The following BPIFB1 variants were observed in gnomAD, a reference collection of about 807,000 sequenced individuals.
BPIFB1 encodes the protein BPI fold-containing family B member 1.
BPIFB1 carries 34 observed loss-of-function variants against 55.1 expected under a neutral mutation model. That is an observed-to-expected ratio of 0.62 (90% CI 0.47 to 0.82). The LOEUF (loss-of-function observed/expected upper bound fraction) is 0.82. Ranked by LOEUF, BPIFB1 falls within the 40% of genes least tolerant of loss-of-function variation. The pLI, the probability that BPIFB1 is intolerant of heterozygous loss-of-function variation, is 0.00. For missense variants in BPIFB1, 532 were observed against 593.1 expected (o/e 0.90, Z 1.07); for synonymous variants, 236 against 245.3 (o/e 0.96, Z 0.35).
At chr20:33,298,794 CTT>C (rs11421243) in intron 7 of BPIFB1, 41 of 146,424 alleles carry the variant, frequency 2.8e-4, no homozygotes, top group South Asian at 8.3e-4. Context: ...TTCCTTTTTT[CTT>C]TTTTTTTTTT....
intron 5 of BPIFB1, among the ~76,000 whole-genome samples, chr20:33,291,332 C>T (rs751470233): frequency 6.6e-6 from 1 of 152,150 alleles, no homozygotes; most frequent in Admixed American, 6.5e-5. Flanking sequence ...GGCATGACAC[C>T]GGGAGGTGGG....
chr20:33,302,856 A>C, intron 10 of BPIFB1, 60 bp from the exon 11 acceptor site: 4 of 1,591,372 alleles, frequency 2.5e-6, no homozygotes, highest in Non-Finnish European at 3.4e-6. Context: ...GGCCACACAC[A>C]GAGCCTGTGG....
At chr20:33,305,899 A>T (rs1981009020) in intron 13 of BPIFB1, 103 bp from the exon 14 acceptor site, 2 of 1,298,278 alleles carry the variant, frequency 1.5e-6, no homozygotes, top group South Asian at 1.2e-5. Context: ...CTACATCTCC[A>T]CCAGCCACCT....
At chr20:33,290,593 T>C (rs571161987) in intron 4 of BPIFB1, among the ~76,000 whole-genome samples, 4 of 152,254 alleles carry the variant, frequency 2.6e-5, no homozygotes, top group Non-Finnish European at 5.9e-5. Flanking sequence ...CTCCAAGAGT[T>C]CTGCCTGCAC....
Position 33,309,589 on chromosome 20 carries a change from G to A in BPIFB1, c.1396-119G>A. ...ACCCTTCTAAGAATTCTGTATTTGT[G>A]GGTTCAGGGTCATGGTCCCCCGGTG... On this transcript the variant is annotated intron_variant, in intron 15 of 15. Coordinates refer to ENST00000253354, the MANE Select transcript of BPIFB1 (RefSeq NM_033197.3). This position sits in a 1 kb window ranked among gnomAD's most constrained non-coding sequence, Gnocchi z 4.4. 1.1e-6 allele frequency: 1 copy of A among 878,924 alleles called. No individual in the cohort carries two copies. Among genetic ancestry groups the A allele is most frequent in the South Asian group, 1.5e-5 (1 of 68,130 alleles). The allele number at this position is 878,924 out of a possible 1,614,324, so 54.4% of individuals were successfully genotyped here. A position where few individuals can be genotyped will look rare whatever the true frequency, so the allele number is the denominator to read the frequency against.
chr20:33,307,025 G>A, intron 15 of BPIFB1, 38 bp downstream of exon 15: 1 of 1,584,112 alleles, frequency 6.3e-7, no homozygotes, highest in Non-Finnish European at 8.7e-7. Flanking sequence ...GCCCCAGGGA[G>A]GGCACAGCCA....
At chr20:33,298,951 C>A in intron 7 of BPIFB1, 3 of 370,838 alleles carry the variant, frequency 8.1e-6, no homozygotes, top group Non-Finnish European at 1.4e-5. Context: ...TAGCCATTTT[C>A]GGGGACCTTA....
Position 33,304,035 on chromosome 20 carries a change from C to A in BPIFB1, c.1208+10C>A. 1 of 1,609,120 alleles carries A rather than the reference C, an allele frequency of 6.2e-7. No individual in the cohort carries two copies. Among genetic ancestry groups the A allele is most frequent in the Admixed American group, 1.7e-5 (1 of 59,034 alleles). On this transcript the variant is annotated intron_variant, in intron 12 of 15. Coordinates refer to ENST00000253354, the MANE Select transcript of BPIFB1 (RefSeq NM_033197.3). ...ACTTGAATAACATCAGGTAAACACACAAATCATCATGAAGATTCTGCTGAT... is the reference window on the plus strand; with the variant it reads ...ACTTGAATAACATCAGGTAAACACAAAAATCATCATGAAGATTCTGCTGAT...
intron 3 of BPIFB1, among the ~76,000 whole-genome samples, chr20:33,289,375 C>A (rs1980374356): frequency 7.8e-6 from 1 of 128,182 alleles, no homozygotes. Context: ...GAGTGAGATT[C>A]TGTCTCAAAA....
At chr20:33,298,501 G>A (rs1426709461) in intron 7 of BPIFB1, among the ~76,000 whole-genome samples, 1 of 152,238 alleles carries the variant, frequency 6.6e-6, no homozygotes, top group African/African-American at 2.4e-5. Flanking sequence ...AGAGCAGCAT[G>A]CACTGAGCGC....
At chr20:33,300,028 C>T (rs1267420631) in intron 8 of BPIFB1, 44 bp downstream of exon 8, 1 of 1,547,800 alleles carries the variant, frequency 6.5e-7, no homozygotes, top group Admixed American at 1.7e-5. Context: ...GACATTGCTG[C>T]CCTTCTCTGA....
chr20:33,304,820 G>A lies in BPIFB1; in HGVS notation c.1209-26G>A, dbSNP rs149844462. ...GTGAATGAGTGGGACTTCAGGGGCC[G>A]CTCTCACAGGCATCTTCCATTGCAG... On this transcript the variant is annotated intron_variant, in intron 12 of 15. Coordinates refer to ENST00000253354, the MANE Select transcript of BPIFB1 (RefSeq NM_033197.3). 651 of 1,613,992 alleles carry A rather than the reference G, an allele frequency of 4.0e-4. 3 individuals carry two copies. The African/African-American group carries it at 6.1e-3, about 15-fold the overall frequency.
intron 5 of BPIFB1, 73 bp from the exon 6 acceptor site, chr20:33,291,834 C>G (rs1305172822): frequency 1.4e-6 from 2 of 1,397,008 alleles, no homozygotes; most frequent in East Asian, 2.3e-5. Flanking sequence ...TCAGCCTCCC[C>G]CTCTGTAAAA....
intron 4 of BPIFB1, 124 bp from the exon 5 acceptor site, chr20:33,290,833 T>C (rs1980441952): frequency 1.9e-6 from 2 of 1,066,900 alleles, no homozygotes; most frequent in African/African-American, 1.6e-5. Flanking sequence ...TGGGTGAAGA[T>C]GAGGAGAAAC....
intron 13 of BPIFB1, 149 bp from the exon 14 acceptor site, chr20:33,305,853 C>A: frequency 1.2e-6 from 1 of 844,692 alleles, no homozygotes; most frequent in East Asian, 2.6e-5. Flanking sequence ...TCCCTGGGAG[C>A]CCCCACAGCT....
chr20:33,299,432 G>C (rs781099939), intron 7 of BPIFB1, among the ~76,000 whole-genome samples: 16 of 152,350 alleles, frequency 1.1e-4, no homozygotes, highest in Non-Finnish European at 2.2e-4. Context: ...TGAGATCCAG[G>C]TGCTCATAGG....
intron 9 of BPIFB1, 90 bp from the exon 10 acceptor site, chr20:33,302,269 C>A: frequency 7.2e-7 from 1 of 1,393,152 alleles, no homozygotes; most frequent in Non-Finnish European, 1.0e-6. Flanking sequence ...TTTCTGGGGT[C>A]CTGGGAAACC....
intron 15 of BPIFB1, among the ~76,000 whole-genome samples, chr20:33,308,827 CAT>C (rs1981134602): frequency 2.7e-5 from 4 of 150,732 alleles, no homozygotes; most frequent in South Asian, 2.1e-4. Context: ...TACACACACA[CAT>C]ACACACACAC....
intron 5 of BPIFB1, among the ~76,000 whole-genome samples, chr20:33,291,701 A>G (rs746559366): frequency 6.6e-6 from 1 of 152,200 alleles, no homozygotes; most frequent in Non-Finnish European, 1.5e-5. Flanking sequence ...AGTTCCAATG[A>G]CAACACCCAG....
Sources: allele counts gnomAD v4.1 joint callset (sites outside exome capture counted in the v4.1 genomes callset), GRCh38; gene constraint gnomAD v4.1.1; non-coding constraint Gnocchi (gnomAD v3.1); transcripts MANE v1.5; gene names NCBI Gene and HGNC (gene_info 2026-07-23, HGNC 2026-07-21).